Variants in PTPRU observed in about 807,000 individuals in gnomAD.
PTPRU encodes receptor-type tyrosine-protein phosphatase U.
A neutral mutation model predicts 166.3 loss-of-function variants in PTPRU; 69 were observed. That is an observed-to-expected ratio of 0.41 (90% CI 0.34 to 0.51). PTPRU has a LOEUF of 0.51. Ranked by LOEUF, PTPRU falls within the 20% of genes least tolerant of loss-of-function variation. PTPRU has a pLI of 0.09. For synonymous variants in PTPRU, 793 were observed against 814.0 expected, an observed-to-expected ratio of 0.97 and a Z score of 0.44; for missense variants, 1,657 against 2,013.7, an observed-to-expected ratio of 0.82 and a Z score of 3.39.
chr1:29,242,660 CAG>C, intron 1 of PTPRU, among the ~76,000 whole-genome samples: 1 of 152,230 alleles, frequency 6.6e-6, no homozygotes, highest in Non-Finnish European at 1.5e-5. Flanking sequence ...TCCATCCTCT[CAG>C]AAAGTTCTGC....
intron 1 of PTPRU, among the ~76,000 whole-genome samples, chr1:29,246,970 A>G (rs374935764): frequency 6.6e-6 from 1 of 152,136 alleles, no homozygotes; most frequent in African/African-American, 2.4e-5. Flanking sequence ...CCATGCCTCG[A>G]GTCTGCACAT....
At position 29,280,224 on chromosome 1, in the gene PTPRU, C is replaced by T. The variant is rs1686000007; in HGVS notation, c.1868+83C>T. 1 of 1,346,870 alleles carries T rather than the reference C, an allele frequency of 7.4e-7. No individual in the cohort carries two copies. The highest frequency in any genetic ancestry group is 1.0e-6 in the Non-Finnish European group (1 of 963,716). The allele number at this position is 1,346,870 out of a possible 1,614,324, so 83.4% of individuals were successfully genotyped here. Reference sequence around the variant, plus strand: ...TCTGACCCAGAGCCCCATCCCAGGCCAGCTCACCCTTTTCCTCCCTCAGTC... The same window carrying T: ...TCTGACCCAGAGCCCCATCCCAGGCTAGCTCACCCTTTTCCTCCCTCAGTC... On this transcript the variant is annotated intron_variant, in intron 11 of 29. Transcript: ENST00000373779. This position sits in a 1 kb window ranked among gnomAD's most constrained non-coding sequence, Gnocchi z 4.2.
intron 7 of PTPRU, among the ~76,000 whole-genome samples, chr1:29,268,884 A>T (rs972486293): frequency 2.0e-5 from 3 of 152,230 alleles, no homozygotes; most frequent in African/African-American, 7.2e-5. Context: ...CCCAGGTTTC[A>T]TGATGACGGC....
In PTPRU at chr1:29,325,406, C is replaced by A. The variant is rs577023397; in HGVS notation, c.4248+80C>A. 36 of 1,552,432 alleles carry A rather than the reference C, an allele frequency of 2.3e-5. 2 individuals carry two copies. In the Admixed American group the frequency reaches 5.5e-4, roughly 24 times the overall value. ...CCAGGTTCCTTAGCACCCACTCTCC[C>A]ATATCTGGGCCCCACCACTGGGCCT... On this transcript the variant is annotated intron_variant, in intron 29 of 29. Transcript: ENST00000373779.
chr1:29,249,367 A>G (rs1386600736), intron 1 of PTPRU, among the ~76,000 whole-genome samples: 2 of 152,222 alleles, frequency 1.3e-5, no homozygotes, highest in African/African-American at 2.4e-5. Flanking sequence ...ACGGTTGCTC[A>G]GGCAACCGCC....
At chr1:29,312,486 C>T (rs1238935464) in intron 21 of PTPRU, 66 bp from the exon 22 acceptor site, 8 of 1,440,386 alleles carry the variant, frequency 5.6e-6, no homozygotes, top group Non-Finnish European at 7.6e-6. Flanking sequence ...GCCTGGCACA[C>T]AGCAGGTGTC....
chr1:29,274,624 T>C (rs988728087), intron 7 of PTPRU, among the ~76,000 whole-genome samples: 21 of 152,212 alleles, frequency 1.4e-4, no homozygotes, highest in Admixed American at 3.9e-4. Flanking sequence ...TATTATATTA[T>C]ATGTATTACT....
chr1:29,321,143 A>G (rs974970164), intron 26 of PTPRU, among the ~76,000 whole-genome samples: 2 of 138,150 alleles, frequency 1.4e-5, no homozygotes, highest in African/African-American at 5.5e-5. Flanking sequence ...CCATCCTTCC[A>G]CCTCAGCCTA....
intron 15 of PTPRU, among the ~76,000 whole-genome samples, chr1:29,295,129 C>T (rs559752754): frequency 9.2e-5 from 14 of 152,218 alleles, no homozygotes; most frequent in African/African-American, 2.2e-4. Flanking sequence ...CTTCGTCTTC[C>T]GGGCTCAAGC....
Position 29,279,561 on chromosome 1 carries a change from C to T in PTPRU, c.1669C>T (p.Leu557=). 1 of 1,614,236 alleles carries T rather than the reference C, an allele frequency of 6.2e-7. No homozygotes were observed. The highest frequency in any genetic ancestry group is 8.5e-7 in the Non-Finnish European group (1 of 1,180,048). The change falls in exon 10 of 30, where the codon CTG becomes TTG. Residue 557 remains leucine, a synonymous_variant. Coordinates refer to ENST00000373779, the MANE Select transcript of PTPRU (RefSeq NM_133178.4). The surrounding 1 kb of genome is among the most constrained non-coding windows in gnomAD (Gnocchi z 5.2). The part of the protein sequence containing the change: ...RNETYHVFSN[L]HPGTTYLFSV... ...TGAGACCTACCATGTCTTCTCCAAC[C>T]TGCACCCAGGCACCACCTACCTGTT... is the stretch of plus-strand genomic sequence containing the variant.
chr1:29,323,535 G>A (rs1351255423), intron 27 of PTPRU, 39 bp downstream of exon 27: 7 of 1,611,484 alleles, frequency 4.3e-6, no homozygotes, highest in African/African-American at 1.3e-5. Context: ...GACCCTGGGT[G>A]GTGGCTGGGG....
intron 7 of PTPRU, among the ~76,000 whole-genome samples, chr1:29,265,060 G>A (rs1411710758): frequency 6.6e-6 from 1 of 152,146 alleles, no homozygotes; most frequent in Non-Finnish European, 1.5e-5. Context: ...AAGCTTCTGT[G>A]AGCATTCATA....
intron 1 of PTPRU, among the ~76,000 whole-genome samples, chr1:29,246,248 G>A (rs1684291965): frequency 6.6e-6 from 1 of 152,234 alleles, no homozygotes; most frequent in Non-Finnish European, 1.5e-5. Flanking sequence ...CTGCCCCTAT[G>A]GTGTCCTGGC....
intron 28 of PTPRU, 123 bp downstream of exon 28, chr1:29,323,911 A>G: frequency 8.0e-7 from 1 of 1,248,536 alleles, no homozygotes; most frequent in Non-Finnish European, 1.1e-6. Flanking sequence ...CTGGGCTCTT[A>G]GATGGCTGTG....
intron 12 of PTPRU, 83 bp downstream of exon 12, chr1:29,283,032 G>A: frequency 1.9e-6 from 3 of 1,545,970 alleles, no homozygotes; most frequent in Admixed American, 1.7e-5. Context: ...CAGGCCCAGC[G>A]CAGACTCCAG....
In PTPRU at chr1:29,279,097, C is replaced by T; in HGVS notation, c.1539C>T (p.Pro513=). 6.3e-7 allele frequency: 1 copy of T among 1,581,758 alleles called. No individual in the cohort carries two copies. Among genetic ancestry groups the T allele is most frequent in the Non-Finnish European group, 8.6e-7 (1 of 1,163,236 alleles). Residue 513 remains proline (P), a synonymous_variant, in exon 9 of 30, where the codon CCC becomes CCT. Coordinates refer to ENST00000373779, the MANE Select transcript of PTPRU (RefSeq NM_133178.4). The surrounding 1 kb of genome is among the most constrained non-coding windows in gnomAD (Gnocchi z 5.2). ...IFLKWEEPQE[P]NGLITQYEIS... is the part of the protein sequence containing the mutation. The stretch of plus-strand genomic sequence containing the variant: ...TCAAGTGGGAGGAGCCCCAGGAGCC[C>T]AATGGTCTCATCACCCAGTATGAGG...
At chr1:29,322,535 C>T (rs1039646046) in intron 26 of PTPRU, among the ~76,000 whole-genome samples, 1 of 152,072 alleles carries the variant, frequency 6.6e-6, no homozygotes. Context: ...GAGGGAGCAG[C>T]CTGTGCAGGG....
chr1:29,315,336 A>G lies in PTPRU; in HGVS notation c.3228-36A>G. The G allele has an allele frequency of 6.2e-7, 1 of 1,613,192 alleles. No individual in the cohort carries two copies. Among genetic ancestry groups the G allele is most frequent in the Non-Finnish European group, 8.5e-7 (1 of 1,179,822 alleles). On this transcript the variant is annotated intron_variant, in intron 22 of 29. Coordinates refer to ENST00000373779, the MANE Select transcript of PTPRU (RefSeq NM_133178.4). This position sits in a 1 kb window ranked among gnomAD's most constrained non-coding sequence, Gnocchi z 4.5. ...TCCTTAGTCCCGGGCTTCCTCCCCA[A>G]AGCTCTGACCTGGTCTGGGGCTGCT... is the stretch of plus-strand genomic sequence containing the variant.
intron 25 of PTPRU, among the ~76,000 whole-genome samples, chr1:29,319,417 C>T (rs764075488): frequency 1.3e-5 from 2 of 152,170 alleles, no homozygotes; most frequent in Non-Finnish European, 2.9e-5. Flanking sequence ...GTCCTTGATG[C>T]CTCTGACGTC....
Sources: gnomAD v4.1 joint callset for allele counts (sites outside exome capture counted in the v4.1 genomes callset) on GRCh38, gnomAD v4.1.1 for gene constraint, Gnocchi (gnomAD v3.1) non-coding constraint, MANE v1.5 for transcripts, NCBI Gene and HGNC (gene_info 2026-07-23, HGNC 2026-07-21) for gene names.